Variants in ADGRB3 observed in about 807,000 individuals in gnomAD.
ADGRB3 encodes the protein brain-specific angiogenesis inhibitor 3.
ADGRB3 carries 37 observed loss-of-function variants against 193.4 expected under a neutral mutation model. That is an observed-to-expected ratio of 0.19 (90% CI 0.15 to 0.25). The LOEUF is 0.25. Among genes scored for constraint, ADGRB3 ranks in the 10% least tolerant of loss-of-function variants. The pLI is 1.00. For synonymous variants in ADGRB3, 690 were observed against 644.2 expected (o/e 1.07, Z -1.08); for missense variants, 1,637 against 1,852.9 (o/e 0.88, Z 2.14).
chr6:68,983,611 C>T (rs957922726), intron 10 of ADGRB3, among the ~76,000 whole-genome samples: 3 of 151,606 alleles, frequency 2.0e-5, no homozygotes, highest in Non-Finnish European at 4.4e-5. Flanking sequence ...ATTCATCTAC[C>T]CATTAATTCA....
At chr6:69,000,282 C>T (rs1360858605) in intron 11 of ADGRB3, among the ~76,000 whole-genome samples, 1 of 152,184 alleles carries the variant, frequency 6.6e-6, no homozygotes, top group African/African-American at 2.4e-5. Flanking sequence ...TTAACAAATA[C>T]TGAACCATTG....
rs554933111 is a variant in ADGRB3, at chr6:69,167,599, G to A, written c.2481-65691G>A. ...AGTTTTGTTTTTGTTTTTTTCTCACGCCAATTCTAAATAATGTCTTTCAGG... is the reference window on the plus strand; with the variant it reads ...AGTTTTGTTTTTGTTTTTTTCTCACACCAATTCTAAATAATGTCTTTCAGG... On this transcript the variant is annotated intron_variant, in intron 17 of 31. Transcript: ENST00000370598. 6.6e-5 allele frequency among the ~76,000 whole-genome samples: 10 copies of A among 151,874 alleles called. No individual in the cohort carries two copies. In the South Asian group the frequency reaches 1.2e-3, roughly 19 times the overall value.
chr6:69,164,959 T>C (rs1317441800), intron 17 of ADGRB3, among the ~76,000 whole-genome samples: 1 of 151,666 alleles, frequency 6.6e-6, no homozygotes, highest in Non-Finnish European at 1.5e-5. Context: ...AAATGGAGAG[T>C]AGACATTATC....
At chr6:68,762,499 G>A (rs7739159) in intron 3 of ADGRB3, among the ~76,000 whole-genome samples, 2 of 149,758 alleles carry the variant, frequency 1.3e-5, no homozygotes, top group Non-Finnish European at 3.0e-5. Context: ...TATATATATA[G>A]AGAGAGAGAG....
Position 69,116,786 on chromosome 6 carries a change from A to G in ADGRB3, c.2480+40748A>G, listed in dbSNP as rs530454686. On this transcript the variant is annotated intron_variant, in intron 17 of 31. Coordinates refer to ENST00000370598, the MANE Select transcript of ADGRB3 (RefSeq NM_001704.3). Reference sequence around the variant, plus strand: ...CCCATTATCCTTGGGCAGGTGGCTCATTGCCTGAGGCAGAGCTTTGTGAAG... The same window carrying G: ...CCCATTATCCTTGGGCAGGTGGCTCGTTGCCTGAGGCAGAGCTTTGTGAAG... 2.0e-5 allele frequency among the ~76,000 whole-genome samples: 3 copies of G among 152,376 alleles called. No homozygotes were observed. In the South Asian group the frequency reaches 6.2e-4, roughly 32 times the overall value.
intron 3 of ADGRB3, among the ~76,000 whole-genome samples, chr6:68,642,039 TC>T (rs1369342651): frequency 1.3e-5 from 2 of 152,094 alleles, no homozygotes; most frequent in Non-Finnish European, 2.9e-5. Context: ...TTTTAAAAAT[TC>T]CACTTATATT....
chr6:68,902,161 G>C (rs1766412212), intron 3 of ADGRB3, among the ~76,000 whole-genome samples: 1 of 152,054 alleles, frequency 6.6e-6, no homozygotes. Flanking sequence ...AAACCAGTGT[G>C]TGAATAACGA....
At chr6:68,966,717 A>C (rs1449496968) in intron 8 of ADGRB3, among the ~76,000 whole-genome samples, 2 of 152,168 alleles carry the variant, frequency 1.3e-5, no homozygotes, top group African/African-American at 4.8e-5. Context: ...TCAAATTATC[A>C]TCTTTATGAC....
At chr6:68,997,623 G>A (rs1374402496) in intron 11 of ADGRB3, among the ~76,000 whole-genome samples, 2 of 150,398 alleles carry the variant, frequency 1.3e-5, no homozygotes, top group African/African-American at 4.9e-5. Flanking sequence ...ACTGCACTCC[G>A]GCCTGGGTGA....
intron 16 of ADGRB3, among the ~76,000 whole-genome samples, chr6:69,073,990 T>A (rs966949755): frequency 6.6e-6 from 1 of 152,350 alleles, no homozygotes; most frequent in Admixed American, 6.5e-5. Flanking sequence ...CGTGATTTAA[T>A]GTGACCACCA....
chr6:68,788,159 T>C (rs1767017080), intron 3 of ADGRB3, among the ~76,000 whole-genome samples: 1 of 152,234 alleles, frequency 6.6e-6, no homozygotes, highest in Admixed American at 6.5e-5. Flanking sequence ...TTTCCTTCGG[T>C]TCTGCTCTGA....
chr6:68,866,708 A>G (rs1275616603), intron 3 of ADGRB3, among the ~76,000 whole-genome samples: 1 of 152,168 alleles, frequency 6.6e-6, no homozygotes, highest in Non-Finnish European at 1.5e-5. Context: ...CCAGACTGAG[A>G]TAGTCTCAGA....
At chr6:69,134,312 T>G (rs1380677375) in intron 17 of ADGRB3, among the ~76,000 whole-genome samples, 3 of 152,142 alleles carry the variant, frequency 2.0e-5, no homozygotes, top group African/African-American at 7.2e-5. Flanking sequence ...TAAATCCTAT[T>G]TTCTCCAGGA....
intron 30 of ADGRB3, among the ~76,000 whole-genome samples, chr6:69,377,834 C>T (rs1408823936): frequency 6.6e-6 from 1 of 152,082 alleles, no homozygotes; most frequent in Non-Finnish European, 1.5e-5. Context: ...AGCCCACCTA[C>T]AGGTCATTTA....
intron 3 of ADGRB3, among the ~76,000 whole-genome samples, chr6:68,649,179 G>C (rs1314976748): frequency 6.6e-6 from 1 of 152,054 alleles, no homozygotes; most frequent in Non-Finnish European, 1.5e-5. Context: ...CTTATGTCTG[G>C]AGTACTTTTG....
At chr6:68,910,095 A>C (rs555190892) in intron 3 of ADGRB3, among the ~76,000 whole-genome samples, 92 of 152,248 alleles carry the variant, frequency 6.0e-4, no homozygotes, top group African/African-American at 2.1e-3. Flanking sequence ...AATGATTGCC[A>C]TTCTAACTGG....
At chr6:68,858,026 T>C (rs1253127458) in intron 3 of ADGRB3, among the ~76,000 whole-genome samples, 4 of 152,346 alleles carry the variant, frequency 2.6e-5, no homozygotes, top group East Asian at 1.9e-4. Flanking sequence ...TGCTCCTCCT[T>C]GCCTTCCACC....
chr6:69,226,555 A>G (rs1184668115), intron 17 of ADGRB3, among the ~76,000 whole-genome samples: 1 of 152,240 alleles, frequency 6.6e-6, no homozygotes, highest in Admixed American at 6.5e-5. Flanking sequence ...GCAATGGGCA[A>G]CAACAGATCA....
intron 3 of ADGRB3, among the ~76,000 whole-genome samples, chr6:68,911,898 G>A (rs1766723841): frequency 6.7e-6 from 1 of 148,264 alleles, no homozygotes. Flanking sequence ...TTTAATGTCT[G>A]GAAGGATATC....
Sources: gnomAD v4.1 joint callset for allele counts (sites outside exome capture counted in the v4.1 genomes callset) on GRCh38, gnomAD v4.1.1 for gene constraint, MANE v1.5 for transcripts, NCBI Gene and HGNC (gene_info 2026-07-23, HGNC 2026-07-21) for gene names.